The following ARHGAP21 variants were observed in gnomAD, a reference collection of about 807,000 sequenced individuals.
The protein encoded by ARHGAP21 is rho GTPase-activating protein 21.
ARHGAP21 carries 38 observed loss-of-function variants against 164.6 expected under a neutral mutation model. The ratio of observed to expected loss-of-function variants is 0.23; its 90% confidence interval spans 0.18 to 0.30. The LOEUF (loss-of-function observed/expected upper bound fraction) is 0.30. ARHGAP21 is among the 10% of genes least tolerant of loss of function. The pLI is 1.00. For missense variants in ARHGAP21, 1,822 were observed against 2,370.7 expected, an observed-to-expected ratio of 0.77 and a Z score of 4.81; for synonymous variants, 766 against 857.9, an observed-to-expected ratio of 0.89 and a Z score of 1.87.
chr10:24,595,584 T>A (rs2076546698), intron 19 of ARHGAP21, 133 bp downstream of exon 19: 1 of 818,782 alleles, frequency 1.2e-6, no homozygotes, highest in Non-Finnish European at 1.9e-6. Flanking sequence ...TTTTAATATA[T>A]GAGGGAGAAC....
rs1004113418 is a variant in ARHGAP21 at position 24,723,618 on chromosome 10, C to CCCCGCCCG, written c.-445_-438dup. 6 of 147,468 alleles carry CCCCGCCCG rather than the reference C, an allele frequency of 4.1e-5. No homozygotes were observed. Among genetic ancestry groups the CCCCGCCCG allele is most frequent in the Admixed American group, 1.4e-4 (2 of 14,802 alleles). The allele number at this position is 147,468 out of a possible 1,614,324, so 9.1% of individuals were successfully genotyped here. A position where few individuals can be genotyped will look rare whatever the true frequency, so the allele number is the denominator to read the frequency against. On this transcript the variant is annotated 5_prime_UTR_variant, in exon 1 of 26. Coordinates refer to ENST00000396432, the MANE Select transcript of ARHGAP21 (RefSeq NM_020824.4). ...GGCTGGCCGGCTCCGGGACAGCGCGCCCCGCCCGCCCGCCCGGCGTGAGCC... is the reference window on the plus strand; with the variant it reads ...GGCTGGCCGGCTCCGGGACAGCGCGCCCCGCCCGCCCGCCCGCCCGCCCGGCGTGAGCC...
chr10:24,590,254 G>C, intron 24 of ARHGAP21: 1 of 1,487,578 alleles, frequency 6.7e-7, no homozygotes, highest in East Asian at 2.5e-5. Context: ...AGAAACAGCA[G>C]AAAAACTTTT....
At position 24,604,325 on chromosome 10, in the gene ARHGAP21, A is replaced by T; in HGVS notation, c.2708T>A (p.Leu903Gln). 3.8e-6 allele frequency: 6 copies of T among 1,592,064 alleles called. No individual in the cohort carries two copies. The South Asian group carries it at 4.7e-5, about 12-fold the overall frequency. Residue 903 changes from leucine (L) to glutamine (Q), a missense_variant, in exon 12 of 26, where the codon CTG becomes CAG. Coordinates refer to ENST00000396432, the MANE Select transcript of ARHGAP21 (RefSeq NM_020824.4). ...AKLSFKHVSS[L>Q]KGIKIADSQK... is the part of the protein sequence containing the mutation. ...TCTAATACCAACCTTGATTCCCTTC[A>T]GACTAGATACGTGCTTAAAGGACCT... is the stretch of plus-strand genomic sequence containing the variant.
At chr10:24,628,755 G>A (rs1483534841) in intron 7 of ARHGAP21, among the ~76,000 whole-genome samples, 3 of 108,948 alleles carry the variant, frequency 2.8e-5, no homozygotes, top group South Asian at 2.7e-4. Context: ...AATGAAATAT[G>A]TGTGTGTGTG....
intron 25 of ARHGAP21, among the ~76,000 whole-genome samples, chr10:24,588,511 A>T (rs1490650928): frequency 6.6e-6 from 1 of 151,994 alleles, no homozygotes; most frequent in Non-Finnish European, 1.5e-5. Flanking sequence ...GCATTTTTGT[A>T]AGAATTATAA....
At position 24,592,048 on chromosome 10, in the gene ARHGAP21, T is replaced by G. The variant is rs1406684331; in HGVS notation, c.3877-36A>C. 3.3e-6 allele frequency: 5 copies of G among 1,503,862 alleles called. No homozygotes were observed. The Admixed American group carries it at 8.6e-5, about 26-fold the overall frequency. 93.2% of individuals were successfully genotyped at this position (1,503,862 alleles called of 1,614,324 possible). A position where few individuals can be genotyped will look rare whatever the true frequency, so the allele number is the denominator to read the frequency against. ...GGATGATACTGGGAAATACCAGAATTTTTCTTAAGGAAGTAGGCTGAAATT... is the reference window on the plus strand; with the variant it reads ...GGATGATACTGGGAAATACCAGAATGTTTCTTAAGGAAGTAGGCTGAAATT... On this transcript the variant is annotated intron_variant, in intron 21 of 25. Transcript: ENST00000396432.
intron 7 of ARHGAP21, among the ~76,000 whole-genome samples, chr10:24,628,097 C>T (rs191256042): frequency 6.6e-6 from 1 of 152,286 alleles, no homozygotes; most frequent in Admixed American, 6.5e-5. Context: ...GAGAAGAATT[C>T]CCTATTTATT....
intron 2 of ARHGAP21, among the ~76,000 whole-genome samples, chr10:24,715,036 AAAAAG>A (rs1469088811): frequency 1.3e-5 from 2 of 151,716 alleles, no homozygotes; most frequent in Non-Finnish European, 2.9e-5. Flanking sequence ...TCTCAAAAAA[AAAAAG>A]AAAAGAAAAG....
chr10:24,681,504 G>A (rs765603473), intron 2 of ARHGAP21, among the ~76,000 whole-genome samples: 2 of 152,166 alleles, frequency 1.3e-5, no homozygotes, highest in African/African-American at 2.4e-5. Flanking sequence ...CAGGGTCCTA[G>A]TATATTCCAG....
At chr10:24,625,050 T>TGTGGGGGGGGG (rs1238794963) in intron 7 of ARHGAP21, among the ~76,000 whole-genome samples, 1 of 776 alleles carries the variant, frequency 1.3e-3, no homozygotes, top group African/African-American at 4.0e-3. Flanking sequence ...CTCTAAAAAG[T>TGTGGGGGGGGG]GGGGGGGGGG....
chr10:24,591,141 AATTCACT>A (rs2076311935), intron 24 of ARHGAP21, 77 bp downstream of exon 24: 1 of 1,192,962 alleles, frequency 8.4e-7, no homozygotes, highest in Non-Finnish European at 1.2e-6. Context: ...CATAAGTAAC[AATTCACT>A]ATGATTGATT....
At chr10:24,702,883 G>A (rs1419909315) in intron 2 of ARHGAP21, among the ~76,000 whole-genome samples, 2 of 152,068 alleles carry the variant, frequency 1.3e-5, no homozygotes, top group Non-Finnish European at 2.9e-5. Flanking sequence ...TCCTGAACAG[G>A]AAACAGTTTA....
chr10:24,697,179 G>A (rs959442425), intron 2 of ARHGAP21, among the ~76,000 whole-genome samples: 4 of 152,060 alleles, frequency 2.6e-5, no homozygotes, highest in African/African-American at 9.7e-5. Context: ...GACCCAGATG[G>A]GGCAAAACTC....
Position 24,591,308 on chromosome 10 carries a change from G to A in ARHGAP21, c.4067C>T (p.Thr1356Ile). 6.2e-7 allele frequency: 1 copy of A among 1,613,266 alleles called. No individual in the cohort carries two copies. The highest frequency in any genetic ancestry group is 8.5e-7 in the Non-Finnish European group (1 of 1,179,810). The change falls in exon 24 of 26, where the codon ACA (threonine) becomes ATA (isoleucine). Residue 1356 changes from threonine (T) to isoleucine (I), a missense_variant. Coordinates refer to ENST00000396432, the MANE Select transcript of ARHGAP21 (RefSeq NM_020824.4). ...GTTTGGCACTGGCTGGGAGTCTACT[G>A]TGCTTTCCTCCTGCACTGTTGTCTA... ...EPLTTVQEES[T>I]VDSQPVPNID...
At chr10:24,627,355 C>T (rs936458553) in intron 7 of ARHGAP21, among the ~76,000 whole-genome samples, 1 of 152,090 alleles carries the variant, frequency 6.6e-6, no homozygotes, top group Non-Finnish European at 1.5e-5. Flanking sequence ...TGCATAAGTA[C>T]TTCTGAAGTA....
chr10:24,678,363 A>C (rs1841473744), intron 2 of ARHGAP21, among the ~76,000 whole-genome samples: 1 of 152,162 alleles, frequency 6.6e-6, no homozygotes. Context: ...GAAGTGTCGC[A>C]TCCCCACAAG....
intron 21 of ARHGAP21, 61 bp from the exon 22 acceptor site, chr10:24,592,073 T>C: frequency 7.3e-7 from 1 of 1,369,504 alleles, no homozygotes; most frequent in East Asian, 2.5e-5. Flanking sequence ...AGGCTGAAAT[T>C]GCCATTGTAG....
At chr10:24,716,626 A>G (rs922216536) in intron 2 of ARHGAP21, among the ~76,000 whole-genome samples, 1 of 152,264 alleles carries the variant, frequency 6.6e-6, no homozygotes, top group Non-Finnish European at 1.5e-5. Context: ...TTGGCCTTCA[A>G]TCTTCAGAGA....
intron 4 of ARHGAP21, among the ~76,000 whole-genome samples, chr10:24,663,664 G>C (rs1428835226): frequency 6.6e-6 from 1 of 152,142 alleles, no homozygotes; most frequent in Non-Finnish European, 1.5e-5. Flanking sequence ...GAGTAGCTGG[G>C]ATTAGAAGCG....
Sources: gnomAD v4.1 joint callset for allele counts (sites outside exome capture counted in the v4.1 genomes callset) on GRCh38, gnomAD v4.1.1 for gene constraint, MANE v1.5 for transcripts, NCBI Gene and HGNC (gene_info 2026-07-23, HGNC 2026-07-21) for gene names.